MYO16: variants seen among roughly 807,000 people sequenced by gnomAD.
MYO16 encodes unconventional myosin-XVI.
In MYO16, 94 loss-of-function variants were observed where a neutral mutation model predicts 205.3. The ratio of observed to expected loss-of-function variants is 0.46; its 90% CI spans 0.39 to 0.54. The LOEUF (loss-of-function observed/expected upper bound fraction) is 0.54, where lower values mean the gene tolerates loss of function less well. Ranked by LOEUF, MYO16 falls within the 20% of genes least tolerant of loss-of-function variation. MYO16 has a pLI of 0.00. For synonymous variants in MYO16, 988 were observed against 954.0 expected, an observed-to-expected ratio of 1.04 and a Z score of -0.66; for missense variants, 2,315 against 2,387.5, an observed-to-expected ratio of 0.97 and a Z score of 0.63.
intron 21 of MYO16, among the ~76,000 whole-genome samples, chr13:109,008,313 CTATATCT>C (rs1885466645): frequency 6.6e-6 from 1 of 150,488 alleles, no homozygotes. Context: ...CACTACTGTA[CTATATCT>C]TGTGTATGCA....
rs114422813 is a variant in MYO16, at chr13:108,903,008, G to A, written c.1777+4875G>A. 9.5e-3 allele frequency among the ~76,000 whole-genome samples: 1,445 copies of A among 152,332 alleles called. 21 individuals are homozygous for A. Among genetic ancestry groups the A allele is most frequent in the African/African-American group, 0.032 (1,351 of 41,574 alleles). ...AAAGTGAATCACCCCTTTGTTCAGT[G>A]TATCCACGATGTCTCCGCTACCCAC... On this transcript the variant is annotated intron_variant, in intron 15 of 34. Coordinates refer to ENST00000457511, the MANE Select transcript of MYO16 (RefSeq NM_001198950.3).
intron 3 of MYO16, among the ~76,000 whole-genome samples, chr13:108,726,769 C>G (rs1260232157): frequency 1.3e-5 from 2 of 151,948 alleles, no homozygotes; most frequent in East Asian, 1.9e-4. Context: ...CAATATTTAC[C>G]TGAGTTTGAA....
intron 23 of MYO16, among the ~76,000 whole-genome samples, chr13:109,045,227 A>G (rs1374197375): frequency 1.3e-5 from 2 of 152,146 alleles, no homozygotes; most frequent in Non-Finnish European, 2.9e-5. Context: ...CACTATGAAC[A>G]TTTATAGCCA....
At chr13:108,797,337 A>T (rs1160416355) in intron 6 of MYO16, among the ~76,000 whole-genome samples, 2 of 152,210 alleles carry the variant, frequency 1.3e-5, no homozygotes, top group Non-Finnish European at 2.9e-5. Context: ...ATTAGCATAT[A>T]TGTGATGTTG....
chr13:109,194,239 T>A (rs1183951685), intron 34 of MYO16, among the ~76,000 whole-genome samples: 1 of 152,202 alleles, frequency 6.6e-6, no homozygotes, highest in African/African-American at 2.4e-5. Flanking sequence ...CCTTGCATTT[T>A]CATAAACATA....
chr13:108,496,473 G>A, the MYO16 span, among the ~76,000 whole-genome samples: 2 of 152,288 alleles, frequency 1.3e-5, no homozygotes, highest in Admixed American at 1.3e-4. Flanking sequence ...TGACCCCTCT[G>A]CGCGACCCCA....
At chr13:108,696,414 C>A (rs1223417460) in intron 2 of MYO16, among the ~76,000 whole-genome samples, 1 of 152,164 alleles carries the variant, frequency 6.6e-6, no homozygotes, top group Non-Finnish European at 1.5e-5. Flanking sequence ...AAGAGGAAGA[C>A]AAACCATTGC....
upstream of MYO16, among the ~76,000 whole-genome samples, chr13:108,627,528 T>A (rs900326289): frequency 3.3e-5 from 5 of 152,126 alleles, no homozygotes; most frequent in African/African-American, 1.2e-4. Context: ...GGAGTCAAGT[T>A]TCTCTTATAG....
intron 7 of MYO16, among the ~76,000 whole-genome samples, chr13:108,809,821 G>A (rs1055561015): frequency 1.3e-5 from 2 of 152,196 alleles, no homozygotes; most frequent in Admixed American, 6.5e-5. Context: ...AAGGGCCAGC[G>A]CTGGGTACCA....
intron 7 of MYO16, among the ~76,000 whole-genome samples, chr13:108,814,237 C>T (rs1594314988): frequency 6.6e-6 from 1 of 152,138 alleles, no homozygotes; most frequent in East Asian, 1.9e-4. Flanking sequence ...CTCTCTGATA[C>T]TCTAACCTTT....
At chr13:109,069,128 C>T (rs779796506) in intron 27 of MYO16, among the ~76,000 whole-genome samples, 5 of 152,144 alleles carry the variant, frequency 3.3e-5, no homozygotes, top group Admixed American at 6.5e-5. Context: ...CCAATAGCCT[C>T]GATATCCCTC....
At chr13:108,805,957 T>TAAATAAATAAAA (rs1053138109) in intron 6 of MYO16, among the ~76,000 whole-genome samples, 1 of 151,224 alleles carries the variant, frequency 6.6e-6, no homozygotes, top group African/African-American at 2.4e-5. Context: ...AATAAATAAA[T>TAAATAAATAAAA]AAAATTAGCT....
At position 108,873,579 on chromosome 13, in the gene MYO16, G is replaced by A. The variant is rs116886261; in HGVS notation, c.1425+7337G>A. ...GTCACAGCGGGCGAGTCAGCAGGCCGTTCCACCAACCGGGACAGGGTCCAT... is the reference window on the plus strand; with the variant it reads ...GTCACAGCGGGCGAGTCAGCAGGCCATTCCACCAACCGGGACAGGGTCCAT... On this transcript the variant is annotated intron_variant, in intron 12 of 34. Transcript: ENST00000457511. Among the ~76,000 whole-genome samples the A allele has an allele frequency of 0.021, 3,163 of 152,294 alleles. 205 individuals are homozygous for A. The East Asian group carries it at 0.21, about 10-fold the overall frequency.
intron 9 of MYO16, among the ~76,000 whole-genome samples, chr13:108,838,746 A>G (rs1211253298): frequency 2.2e-5 from 2 of 92,356 alleles, no homozygotes; most frequent in Non-Finnish European, 3.9e-5. Context: ...TATACACTAT[A>G]TATATATACA....
chr13:108,574,117 T>G, the MYO16 span, among the ~76,000 whole-genome samples: 470 of 152,278 alleles, frequency 3.1e-3, 7 homozygotes, highest in South Asian at 0.05. Flanking sequence ...CCTCCTAAAG[T>G]GCTGCGATTA....
chr13:109,011,498 C>CTTTTTTTTTTTTTTTTTTTTTTTTTTTT (rs34575828), intron 22 of MYO16, among the ~76,000 whole-genome samples: 2 of 129,944 alleles, frequency 1.5e-5, no homozygotes, highest in Admixed American at 7.9e-5. Flanking sequence ...TTCTTCCTTT[C>CTTTTTTTTTTTTTTTTTTTTTTTTTTTT]TTTTTTTTTT....
chr13:108,572,226 C>A, the MYO16 span, among the ~76,000 whole-genome samples: 1 of 151,988 alleles, frequency 6.6e-6, no homozygotes, highest in Non-Finnish European at 1.5e-5. Flanking sequence ...CACATCTGGC[C>A]CCCTCCATTT....
chr13:108,634,509 C>T lies in MYO16; in HGVS notation c.28+4637C>T, dbSNP rs143957112. Among the ~76,000 whole-genome samples, 567 of 152,278 alleles carry T rather than the reference C, an allele frequency of 3.7e-3. 2 individuals carry two copies. The highest frequency in any genetic ancestry group is 7.8e-3 in the Admixed American group (120 of 15,290). On this transcript the variant is annotated intron_variant, in intron 1 of 34. Transcript: ENST00000457511. Reference sequence around the variant, plus strand: ...CCCCTTGTTCTCTCTTCCCTCGGGCCACCACCCCATTTCCTTGTTTGCAGG... The same window carrying T: ...CCCCTTGTTCTCTCTTCCCTCGGGCTACCACCCCATTTCCTTGTTTGCAGG...
the MYO16 span, among the ~76,000 whole-genome samples, chr13:108,533,296 T>C: frequency 1.3e-5 from 2 of 152,186 alleles, no homozygotes; most frequent in Non-Finnish European, 2.9e-5. Flanking sequence ...GTCTTTGTTG[T>C]GCATGGTATG....
Sources: allele counts gnomAD v4.1 joint callset (sites outside exome capture counted in the v4.1 genomes callset), GRCh38; gene constraint gnomAD v4.1.1; transcripts MANE v1.5; gene names NCBI Gene and HGNC (gene_info 2026-07-23, HGNC 2026-07-21).